The following APCDD1L variants were observed in gnomAD, a reference collection of about 807,000 sequenced individuals.
APCDD1L encodes the protein APC down-regulated 1 like, also known as protein APCDD1-like.
APCDD1L carries 21 observed loss-of-function variants against 24.2 expected under a neutral mutation model. The observed-to-expected ratio is 0.87, with a 90% CI of 0.61 to 1.25. The LOEUF (loss-of-function observed/expected upper bound fraction) is 1.25, where lower values mean the gene tolerates loss of function less well. APCDD1L is among the 50% of genes most tolerant of loss of function. The probability of loss-of-function intolerance (pLI) is 0.00; values close to 1 mark genes in which losing one functional copy is unlikely to be tolerated. For synonymous variants in APCDD1L, 321 were observed against 323.6 expected (o/e 0.99, Z 0.09); for missense variants, 704 against 711.7 (o/e 0.99, Z 0.12).
At chr20:58,509,520 T>C (rs796421437) in intron 1 of APCDD1L, among the ~76,000 whole-genome samples, 58 of 152,278 alleles carry the variant, frequency 3.8e-4, no homozygotes, top group African/African-American at 1.4e-3. Flanking sequence ...CCAAGAGTGT[T>C]GTAAGACGGG....
Position 58,508,709 on chromosome 20 carries a change from C to T in APCDD1L, c.49+5950G>A, listed in dbSNP as rs1990568502. On this transcript the variant is annotated intron_variant, in intron 1 of 3. Coordinates refer to ENST00000371149, the MANE Select transcript of APCDD1L (RefSeq NM_153360.3). The surrounding 1 kb of genome is among the most constrained non-coding windows in gnomAD (Gnocchi z 4.0). Reference sequence around the variant, plus strand: ...GGGTATATGAGCGATTACTGAGTACCTACTATGTGCCAGGCACTGTTCTAG... The same window carrying T: ...GGGTATATGAGCGATTACTGAGTACTTACTATGTGCCAGGCACTGTTCTAG... Among the ~76,000 whole-genome samples the T allele has an allele frequency of 6.6e-6, 1 of 152,176 alleles. No homozygotes were observed. The highest frequency in any genetic ancestry group is 1.5e-5 in the Non-Finnish European group (1 of 68,044).
At chr20:58,491,107 T>C (rs1285988904) in intron 1 of APCDD1L, among the ~76,000 whole-genome samples, 2 of 152,242 alleles carry the variant, frequency 1.3e-5, no homozygotes, top group African/African-American at 4.8e-5. Context: ...GATATGTATC[T>C]ATGCTGATTA....
chr20:58,468,794 C>T (rs944464192), intron 2 of APCDD1L, among the ~76,000 whole-genome samples: 1 of 152,190 alleles, frequency 6.6e-6, no homozygotes, highest in Non-Finnish European at 1.5e-5. Flanking sequence ...TTTTGAACTC[C>T]TGACCTCAAT....
intron 1 of APCDD1L, among the ~76,000 whole-genome samples, chr20:58,480,473 A>G (rs565463500): frequency 1.8e-4 from 27 of 152,334 alleles, no homozygotes; most frequent in South Asian, 4.1e-4. Flanking sequence ...AGTCTGGACC[A>G]CGGGATGGAG....
rs73183232 is a variant in APCDD1L, at chr20:58,459,245, C to T, written c.*1545G>A. ...CCATCCCCACCAGGAGCTCCCCCAA[C>T]CCTGATGTAGTCTGAGACCGTAAAT... is the stretch of plus-strand genomic sequence containing the variant. On this transcript the variant is annotated 3_prime_UTR_variant, in exon 4 of 4. Coordinates refer to ENST00000371149, the MANE Select transcript of APCDD1L (RefSeq NM_153360.3). 0.079 allele frequency: 12,038 copies of T among 152,180 alleles called. 531 individuals carry two copies. Among genetic ancestry groups the T allele is most frequent in the Non-Finnish European group, 0.092 (6,254 of 68,004 alleles). 9.4% of individuals were successfully genotyped at this position (152,180 alleles called of 1,614,324 possible). A position where few individuals can be genotyped will look rare whatever the true frequency, so the allele number is the denominator to read the frequency against.
chr20:58,464,313 A>T (rs780477107), intron 3 of APCDD1L, among the ~76,000 whole-genome samples: 7 of 152,260 alleles, frequency 4.6e-5, no homozygotes, highest in Non-Finnish European at 1.0e-4. Flanking sequence ...ATCTGGGGTG[A>T]GCAGTTTTCT....
intron 1 of APCDD1L, among the ~76,000 whole-genome samples, chr20:58,472,554 G>A (rs999452933): frequency 2.0e-5 from 3 of 152,244 alleles, no homozygotes; most frequent in African/African-American, 4.8e-5. Flanking sequence ...AACATTGGCC[G>A]ACTGAATAAA....
At chr20:58,472,971 C>T (rs1259806756) in intron 1 of APCDD1L, among the ~76,000 whole-genome samples, 1 of 152,228 alleles carries the variant, frequency 6.6e-6, no homozygotes, top group Admixed American at 6.5e-5. Flanking sequence ...CTTCAGAAGA[C>T]ACTGGGTTTC....
At position 58,459,606 on chromosome 20, in the gene APCDD1L, A is replaced by G. The variant is rs1989557317; in HGVS notation, c.*1184T>C. On this transcript the variant is annotated 3_prime_UTR_variant, in exon 4 of 4. Coordinates refer to ENST00000371149, the MANE Select transcript of APCDD1L (RefSeq NM_153360.3). ...AGGATGCCAGTTAATTTCACAGTGT[A>G]CAGATGAGGCCCTGGGAACATGGGC... 1 of 152,624 alleles carries G rather than the reference A, an allele frequency of 6.6e-6. No individual in the cohort carries two copies. Among genetic ancestry groups the G allele is most frequent in the African/African-American group, 2.4e-5 (1 of 41,462 alleles). The allele number at this position is 152,624 out of a possible 1,614,324, so 9.5% of individuals were successfully genotyped here.
intron 1 of APCDD1L, among the ~76,000 whole-genome samples, chr20:58,477,674 A>G (rs561648563): frequency 6.6e-6 from 1 of 152,364 alleles, no homozygotes; most frequent in Admixed American, 6.5e-5. Flanking sequence ...ACTTCATTAT[A>G]CATTCCCTCA....
At chr20:58,478,972 C>G (rs80011169) in intron 1 of APCDD1L, among the ~76,000 whole-genome samples, 23 of 152,100 alleles carry the variant, frequency 1.5e-4, no homozygotes, top group African/African-American at 5.5e-4. Context: ...GCCTAAGAAG[C>G]GAATGCCAGG....
intron 1 of APCDD1L, among the ~76,000 whole-genome samples, chr20:58,502,984 G>A (rs1378600605): frequency 2.0e-5 from 3 of 152,142 alleles, no homozygotes; most frequent in Non-Finnish European, 2.9e-5. Context: ...GGCAGTGGAC[G>A]TGACTCTTTT....
At chr20:58,500,011 G>T (rs1469315952) in intron 1 of APCDD1L, among the ~76,000 whole-genome samples, 1 of 152,126 alleles carries the variant, frequency 6.6e-6, no homozygotes, top group African/African-American at 2.4e-5. Flanking sequence ...AAAAACACAT[G>T]TAAATATTTT....
chr20:58,503,843 T>A (rs1332517507), intron 1 of APCDD1L, among the ~76,000 whole-genome samples: 1 of 152,222 alleles, frequency 6.6e-6, no homozygotes, highest in Non-Finnish European at 1.5e-5. Context: ...TGGATGGGCA[T>A]GGATCCAAGG....
At chr20:58,479,796 G>T (rs577175674) in intron 1 of APCDD1L, among the ~76,000 whole-genome samples, 1 of 152,268 alleles carries the variant, frequency 6.6e-6, no homozygotes, top group East Asian at 1.9e-4. Context: ...GAGGAGATAT[G>T]CTGGCTGCGA....
intron 3 of APCDD1L, among the ~76,000 whole-genome samples, chr20:58,465,535 G>A (rs867309670): frequency 2.0e-5 from 3 of 152,274 alleles, no homozygotes; most frequent in Middle Eastern, 3.4e-3. Context: ...AGGACTTCAT[G>A]GGGATGCTGA....
chr20:58,512,299 C>T (rs1163106922), intron 1 of APCDD1L, among the ~76,000 whole-genome samples: 3 of 152,350 alleles, frequency 2.0e-5, no homozygotes, highest in East Asian at 1.9e-4. Flanking sequence ...GTGATTTTGA[C>T]GGATTCGTCT....
intron 1 of APCDD1L, among the ~76,000 whole-genome samples, chr20:58,472,965 A>G (rs1181815742): frequency 6.6e-6 from 1 of 152,208 alleles, no homozygotes; most frequent in Non-Finnish European, 1.5e-5. Flanking sequence ...CTGCTTCTTC[A>G]GAAGACACTG....
intron 1 of APCDD1L, among the ~76,000 whole-genome samples, chr20:58,512,761 C>T (rs889713306): frequency 1.6e-4 from 25 of 152,128 alleles, no homozygotes; most frequent in African/African-American, 5.8e-4. Context: ...ATGTAGCCAG[C>T]GGTGAAAAGA....
Sources: gnomAD v4.1 joint callset for allele counts (sites outside exome capture counted in the v4.1 genomes callset) on GRCh38, gnomAD v4.1.1 for gene constraint, Gnocchi (gnomAD v3.1) non-coding constraint, MANE v1.5 for transcripts, NCBI Gene and HGNC (gene_info 2026-07-23, HGNC 2026-07-21) for gene names.